ESRRG: variants seen among roughly 807,000 people sequenced by gnomAD.
The protein encoded by ESRRG is estrogen-related receptor gamma.
Under a neutral mutation model 44.0 loss-of-function variants are expected in ESRRG, and 13 were observed. The ratio of observed to expected loss-of-function variants is 0.30; its 90% CI spans 0.19 to 0.47. The LOEUF is 0.47. Ranked by LOEUF, ESRRG falls within the 20% of genes least tolerant of loss-of-function variation. The pLI is 1.00. For synonymous variants in ESRRG, 215 were observed against 214.6 expected, an observed-to-expected ratio of 1.00 and a Z score of -0.02; for missense variants, 395 against 580.6, an observed-to-expected ratio of 0.68 and a Z score of 3.29.
rs575095019 is a variant in ESRRG, at chr1:216,503,678, T to A, written c.*3261A>T. 1.3e-5 allele frequency: 2 copies of A among 152,676 alleles called. No homozygotes were observed. Among genetic ancestry groups the A allele is most frequent in the East Asian group, 3.9e-4 (2 of 5,170 alleles). 9.5% of individuals were successfully genotyped at this position (152,676 alleles called of 1,614,324 possible). A position where few individuals can be genotyped will look rare whatever the true frequency, so the allele number is the denominator to read the frequency against. ...TAAAATACAATCACCAACACCCATT[T>A]TCTCTTCTATAAGAAAAATAGCAGT... On this transcript the variant is annotated 3_prime_UTR_variant, in exon 7 of 7. Coordinates refer to ENST00000408911, the MANE Select transcript of ESRRG (RefSeq NM_001438.4).
At chr1:216,537,590 C>A (rs1391588913) in intron 5 of ESRRG, among the ~76,000 whole-genome samples, 4 of 151,960 alleles carry the variant, frequency 2.6e-5, no homozygotes, top group Non-Finnish European at 5.9e-5. Context: ...AAAGGCTTTG[C>A]AACTTTGTGC....
intron 2 of ESRRG, among the ~76,000 whole-genome samples, chr1:216,765,038 A>T (rs1054650680): frequency 6.6e-6 from 1 of 152,002 alleles, no homozygotes; most frequent in Admixed American, 6.6e-5. Flanking sequence ...CTGGAGTATA[A>T]ATATCTTGTT....
At chr1:216,990,100 G>A (rs1018275430) in intron 1 of ESRRG, among the ~76,000 whole-genome samples, 2 of 152,088 alleles carry the variant, frequency 1.3e-5, no homozygotes, top group African/African-American at 4.8e-5. Context: ...ACTCACAAAG[G>A]AATGTCACCA....
At chr1:217,110,841 A>C (rs1397017290) in intron 1 of ESRRG, among the ~76,000 whole-genome samples, 2 of 152,110 alleles carry the variant, frequency 1.3e-5, no homozygotes, top group African/African-American at 2.4e-5. Context: ...CATCCTCCCA[A>C]CCTGGCTTAT....
At chr1:216,932,711 C>G (rs965327568) in intron 2 of ESRRG, among the ~76,000 whole-genome samples, 2 of 147,338 alleles carry the variant, frequency 1.4e-5, no homozygotes, top group Non-Finnish European at 3.0e-5. Context: ...GTACATGCCA[C>G]CAAACTTGTT....
intron 3 of ESRRG, among the ~76,000 whole-genome samples, chr1:216,591,694 G>A (rs1205970532): frequency 6.6e-6 from 1 of 152,150 alleles, no homozygotes; most frequent in Admixed American, 6.5e-5. Flanking sequence ...TGAACCAAGA[G>A]TTATGGGGAT....
upstream of ESRRG, among the ~76,000 whole-genome samples, chr1:217,093,970 A>C (rs72743303): frequency 0.23 from 34,690 of 151,768 alleles, 4,056 homozygotes; most frequent in East Asian, 0.28. Flanking sequence ...GTAACCTCAA[A>C]CTCCTGGGCT....
intron 1 of ESRRG, among the ~76,000 whole-genome samples, chr1:216,987,760 T>G (rs569827535): frequency 1.3e-5 from 2 of 152,084 alleles, no homozygotes; most frequent in Non-Finnish European, 2.9e-5. Context: ...CCTAAAACTT[T>G]TTTGCTCAAA....
chr1:216,849,577 G>A (rs2095810015), intron 2 of ESRRG, among the ~76,000 whole-genome samples: 1 of 152,042 alleles, frequency 6.6e-6, no homozygotes, highest in South Asian at 2.1e-4. Flanking sequence ...TCTGCAAACA[G>A]TTTACTACCA....
chr1:216,652,768 C>G (rs1014507252), intron 2 of ESRRG, among the ~76,000 whole-genome samples: 2 of 152,102 alleles, frequency 1.3e-5, no homozygotes, highest in Admixed American at 6.5e-5. Flanking sequence ...AGATGAACCA[C>G]TCTTCACTGC....
At chr1:217,019,698 T>G (rs1476903721) in intron 1 of ESRRG, among the ~76,000 whole-genome samples, 3 of 152,196 alleles carry the variant, frequency 2.0e-5, no homozygotes, top group Non-Finnish European at 4.4e-5. Context: ...CCACTTATCA[T>G]TTTTGTCTTT....
At chr1:217,075,950 TAGAAAAATACAC>T (rs2091246099) in intron 1 of ESRRG, among the ~76,000 whole-genome samples, 2 of 152,278 alleles carry the variant, frequency 1.3e-5, no homozygotes, top group South Asian at 4.1e-4. Flanking sequence ...GAGGTATTAA[TAGAAAAATACAC>T]ACCTGAAATT....
chr1:217,105,421 C>G (rs997511764), intron 1 of ESRRG, among the ~76,000 whole-genome samples: 5 of 152,248 alleles, frequency 3.3e-5, no homozygotes, highest in Non-Finnish European at 7.4e-5. Context: ...GAAATACTTG[C>G]TCAGGGGCAT....
Position 216,816,840 on chromosome 1 carries a change from A to G in ESRRG, c.-14+122742T>C, listed in dbSNP as rs369967801. 3.3e-5 allele frequency among the ~76,000 whole-genome samples: 5 copies of G among 152,332 alleles called. No homozygotes were observed. The East Asian group carries it at 7.7e-4, about 24-fold the overall frequency. The stretch of plus-strand genomic sequence containing the variant: ...ATTGAAGATTTGCTAATAAAGAAAA[A>G]TATCTTCCCAAATAAGTGATTCAAA... On this transcript the variant is annotated intron_variant, in intron 2 of 7. Coordinates refer to the ESRRG transcript ENST00000359162.
chr1:216,691,620 G>A (rs563664695), intron 1 of ESRRG, among the ~76,000 whole-genome samples: 1 of 152,090 alleles, frequency 6.6e-6, no homozygotes, highest in Non-Finnish European at 1.5e-5. Context: ...TCCTGAAAAG[G>A]GGTTTCTGTA....
At chr1:216,676,032 A>G (rs943285545) in intron 2 of ESRRG, among the ~76,000 whole-genome samples, 2 of 152,320 alleles carry the variant, frequency 1.3e-5, no homozygotes, top group Middle Eastern at 3.4e-3. Context: ...CTTTGTGTCC[A>G]TAACTGGTTG....
intron 1 of ESRRG, among the ~76,000 whole-genome samples, chr1:216,717,454 C>T (rs1313677947): frequency 6.6e-6 from 1 of 151,804 alleles, no homozygotes; most frequent in Admixed American, 6.6e-5. Context: ...TGTCATTTCC[C>T]ACCCTCAGAT....
intron 1 of ESRRG, among the ~76,000 whole-genome samples, chr1:216,962,771 C>A (rs2069388466): frequency 6.6e-6 from 1 of 152,106 alleles, no homozygotes; most frequent in African/African-American, 2.4e-5. Context: ...ACTACATAAC[C>A]AATATATTAT....
chr1:216,596,076 T>A (rs2058384173), intron 3 of ESRRG, among the ~76,000 whole-genome samples: 1 of 152,140 alleles, frequency 6.6e-6, no homozygotes, highest in Non-Finnish European at 1.5e-5. Context: ...ACAAGCCCCA[T>A]CCCTGGGGTC....
Sources: allele counts gnomAD v4.1 joint callset (sites outside exome capture counted in the v4.1 genomes callset), GRCh38; gene constraint gnomAD v4.1.1; transcripts MANE v1.5; gene names NCBI Gene and HGNC (gene_info 2026-07-23, HGNC 2026-07-21).